Variants in ADAMTSL1 observed in about 807,000 individuals in gnomAD.
ADAMTSL1 encodes ADAMTS-like protein 1.
A neutral mutation model predicts 201.8 loss-of-function variants in ADAMTSL1; 126 were observed. The observed-to-expected ratio is 0.62, with a 90% CI of 0.54 to 0.72. The LOEUF is 0.72. Ranked by LOEUF, ADAMTSL1 falls within the 30% of genes least tolerant of loss-of-function variation. ADAMTSL1 has a pLI of 0.00. For synonymous variants in ADAMTSL1, 1,121 were observed against 903.4 expected, an observed-to-expected ratio of 1.24 and a Z score of -4.32; for missense variants, 2,679 against 2,277.8, an observed-to-expected ratio of 1.18 and a Z score of -3.59.
chr9:18,043,617 T>C (rs756718565), intron 1 of ADAMTSL1, among the ~76,000 whole-genome samples: 2 of 151,982 alleles, frequency 1.3e-5, no homozygotes, highest in African/African-American at 2.4e-5. Flanking sequence ...CCCTGACTTC[T>C]AGAGGGAAGA....
At position 17,927,425 on chromosome 9, in the gene ADAMTSL1, T is replaced by TACAC. The variant is rs1168653002; in HGVS notation, c.87+20504_87+20505insCACA. ...ATACATATGTATGTGTATATACATGTATACATATATGTACATATATACATA... is the reference window on the plus strand; with the variant it reads ...ATACATATGTATGTGTATATACATGTACACATACATATATGTACATATATACATA... On this transcript the variant is annotated intron_variant, in intron 1 of 29. Transcript: ENST00000680146. Among the ~76,000 whole-genome samples, 448 of 152,124 alleles carry TACAC rather than the reference T, an allele frequency of 2.9e-3. 2 individuals carry two copies. Among genetic ancestry groups the TACAC allele is most frequent in the African/African-American group, 3.3e-3 (137 of 41,526 alleles).
chr9:18,286,160 A>G (rs1426343199), intron 2 of ADAMTSL1, among the ~76,000 whole-genome samples: 1 of 152,200 alleles, frequency 6.6e-6, no homozygotes, highest in Non-Finnish European at 1.5e-5. Context: ...TGGGCCAACC[A>G]TGTTCTAGCA....
chr9:18,886,336 C>T (rs559757226), intron 23 of ADAMTSL1, among the ~76,000 whole-genome samples: 2 of 151,478 alleles, frequency 1.3e-5, no homozygotes, highest in African/African-American at 4.8e-5. Context: ...CTGTGAGCTA[C>T]GATTGCACCA....
intron 2 of ADAMTSL1, among the ~76,000 whole-genome samples, chr9:18,421,444 C>T (rs984329049): frequency 5.3e-5 from 8 of 152,248 alleles, no homozygotes; most frequent in Middle Eastern, 3.4e-3. Flanking sequence ...AGCTCCTAAG[C>T]GATAGAGCCA....
intron 1 of ADAMTSL1, among the ~76,000 whole-genome samples, chr9:18,057,812 C>A (rs911967065): frequency 6.6e-6 from 1 of 152,242 alleles, no homozygotes; most frequent in African/African-American, 2.4e-5. Context: ...AATTCTTACT[C>A]ATTCTTTAGG....
rs536710100 is a variant in ADAMTSL1, at chr9:18,804,203, C to T, written c.3805+8679C>T. 5.3e-5 allele frequency among the ~76,000 whole-genome samples: 8 copies of T among 152,194 alleles called. No individual in the cohort carries two copies. The South Asian group carries it at 1.5e-3, about 28-fold the overall frequency. Reference sequence around the variant, plus strand: ...TAACTCCCTTTACCTGAAATTCTGACGTTGAAAATTGACTCTGTTGTATTT... The same window carrying T: ...TAACTCCCTTTACCTGAAATTCTGATGTTGAAAATTGACTCTGTTGTATTT... On this transcript the variant is annotated intron_variant, in intron 20 of 28. Coordinates refer to ENST00000380548, the MANE Select transcript of ADAMTSL1 (RefSeq NM_001040272.6).
intron 23 of ADAMTSL1, among the ~76,000 whole-genome samples, chr9:18,865,030 T>C (rs919768706): frequency 3.3e-5 from 5 of 152,208 alleles, no homozygotes; most frequent in African/African-American, 9.7e-5. Context: ...TATTTTGTTA[T>C]ATTTTTCCAG....
chr9:18,862,435 G>A (rs887223305), intron 23 of ADAMTSL1, among the ~76,000 whole-genome samples: 4 of 152,180 alleles, frequency 2.6e-5, no homozygotes, highest in African/African-American at 7.2e-5. Context: ...TCACTCAAGA[G>A]AAGGGAATAT....
intron 2 of ADAMTSL1, among the ~76,000 whole-genome samples, chr9:18,194,031 T>C (rs1829076217): frequency 6.6e-6 from 1 of 152,092 alleles, no homozygotes; most frequent in Admixed American, 6.6e-5. Flanking sequence ...CTATTGAATT[T>C]GGCGGGGAGA....
At chr9:18,738,662 A>G (rs1473658299) in intron 15 of ADAMTSL1, among the ~76,000 whole-genome samples, 2 of 152,164 alleles carry the variant, frequency 1.3e-5, no homozygotes, top group Non-Finnish European at 2.9e-5. Context: ...TGCTCTGAGG[A>G]TCAGAGGGCA....
chr9:18,359,837 C>CCCCCA (rs557711954), intron 2 of ADAMTSL1, among the ~76,000 whole-genome samples: 1 of 122,748 alleles, frequency 8.1e-6, no homozygotes, highest in Non-Finnish European at 1.8e-5. Context: ...GCCCCCCCGC[C>CCCCCA]CACACAAAAT....
At chr9:18,179,199 A>C (rs1828330392) in intron 2 of ADAMTSL1, among the ~76,000 whole-genome samples, 1 of 152,216 alleles carries the variant, frequency 6.6e-6, no homozygotes, top group Admixed American at 6.5e-5. Flanking sequence ...ATGGAGCTGA[A>C]AACCAAGGCT....
chr9:18,242,895 A>G (rs1831122301), intron 2 of ADAMTSL1, among the ~76,000 whole-genome samples: 1 of 152,160 alleles, frequency 6.6e-6, no homozygotes, highest in Middle Eastern at 3.2e-3. Context: ...TGAAGTAATT[A>G]TTGCTGTTAA....
At chr9:18,828,531 A>G (rs1824740991) in intron 22 of ADAMTSL1, among the ~76,000 whole-genome samples, 1 of 151,128 alleles carries the variant, frequency 6.6e-6, no homozygotes, top group Admixed American at 6.6e-5. Context: ...AGATGAGAAA[A>G]CTAAGGCTCT....
chr9:18,389,548 G>A lies in ADAMTSL1; in HGVS notation c.208-115281G>A, dbSNP rs138884716. Reference sequence around the variant, plus strand: ...GCTAGTTGTGTTGTAGTTCTTATTAGGAATTGAACTCCATAATTCTTAGGG... The same window carrying A: ...GCTAGTTGTGTTGTAGTTCTTATTAAGAATTGAACTCCATAATTCTTAGGG... On this transcript the variant is annotated intron_variant, in intron 2 of 29. Coordinates refer to the ADAMTSL1 transcript ENST00000680146. Among the ~76,000 whole-genome samples the A allele has an allele frequency of 1.6e-4, 25 of 152,166 alleles. No individual in the cohort carries two copies. The East Asian group carries it at 4.6e-3, about 28-fold the overall frequency.
chr9:18,663,414 G>A (rs1310150178), intron 9 of ADAMTSL1, among the ~76,000 whole-genome samples: 2 of 152,042 alleles, frequency 1.3e-5, no homozygotes, highest in Non-Finnish European at 2.9e-5. Context: ...AACTGAATAA[G>A]GTGTTGAAAT....
intron 13 of ADAMTSL1, among the ~76,000 whole-genome samples, chr9:18,687,940 T>C (rs1247173176): frequency 6.6e-6 from 1 of 152,092 alleles, no homozygotes; most frequent in African/African-American, 2.4e-5. Context: ...AATATGGAGA[T>C]TGGCTCACAT....
chr9:18,702,205 G>A (rs570444465), intron 13 of ADAMTSL1, among the ~76,000 whole-genome samples: 2 of 152,240 alleles, frequency 1.3e-5, no homozygotes, highest in East Asian at 3.9e-4. Flanking sequence ...CACAACACAT[G>A]GGAATTATGA....
chr9:18,598,295 C>T (rs578129444), intron 4 of ADAMTSL1, among the ~76,000 whole-genome samples: 5 of 152,128 alleles, frequency 3.3e-5, no homozygotes, highest in Admixed American at 1.3e-4. Context: ...GTGACTTACC[C>T]GAAGTCTCTC....
Sources: allele counts gnomAD v4.1 joint callset (sites outside exome capture counted in the v4.1 genomes callset), GRCh38; gene constraint gnomAD v4.1.1; transcripts MANE v1.5; gene names NCBI Gene and HGNC (gene_info 2026-07-23, HGNC 2026-07-21).